CCNH: variants seen among roughly 807,000 people sequenced by gnomAD.
CCNH encodes cyclin H, also known as cyclin-H.
Under a neutral mutation model 41.9 loss-of-function variants are expected in CCNH, and 31 were observed. The observed-to-expected ratio is 0.74, with a 90% CI of 0.56 to 1.00. The LOEUF (loss-of-function observed/expected upper bound fraction) is 1.00, where lower values mean the gene tolerates loss of function less well. Among genes scored for constraint, CCNH ranks in the 50% least tolerant of loss-of-function variants. The pLI is 0.00. For missense variants in CCNH, 362 were observed against 388.4 expected, an observed-to-expected ratio of 0.93 and a Z score of 0.57; for synonymous variants, 138 against 136.1, an observed-to-expected ratio of 1.01 and a Z score of -0.10.
chr5:87,328,252 A>G (rs1463667176), intron 9 of CCNH, among the ~76,000 whole-genome samples: 2 of 152,180 alleles, frequency 1.3e-5, no homozygotes, highest in Admixed American at 6.5e-5. Context: ...TGTTACACTC[A>G]GAGTATTCTC....
Position 87,331,374 on chromosome 5 carries a change from C to T in CCNH, c.*91-12477G>A, listed in dbSNP as rs986802785. The T allele has an allele frequency of 3.4e-5, 54 of 1,611,684 alleles. No homozygotes were observed. The highest frequency in any genetic ancestry group is 3.9e-5 in the Non-Finnish European group (46 of 1,178,016). On this transcript the variant is annotated intron_variant and NMD_transcript_variant, in intron 9 of 9. Coordinates refer to the CCNH transcript ENST00000645953. ...TGGTATCACGGAAAACTTGACAGAACGATAGCAGAAGAACGCCTCAGGCAG... is the reference window on the plus strand; with the variant it reads ...TGGTATCACGGAAAACTTGACAGAATGATAGCAGAAGAACGCCTCAGGCAG...
chr5:87,390,930 G>A (rs199767239), downstream of CCNH: 117 of 1,531,324 alleles, frequency 7.6e-5, no homozygotes, highest in Admixed American at 1.7e-4. Context: ...GTCCAACATG[G>A]TAATTCACTT....
intron 9 of CCNH, among the ~76,000 whole-genome samples, chr5:87,343,886 T>A (rs1758658066): frequency 6.6e-6 from 1 of 152,104 alleles, no homozygotes; most frequent in African/African-American, 2.4e-5. Context: ...TATTCAGCCA[T>A]AAACAAGAAT....
chr5:87,354,309 C>T (rs1036849803), intron 9 of CCNH, among the ~76,000 whole-genome samples: 1 of 152,084 alleles, frequency 6.6e-6, no homozygotes, highest in Non-Finnish European at 1.5e-5. Flanking sequence ...AGAAGGACGT[C>T]TATTGCGACT....
At chr5:87,365,103 G>A (rs778325629) in intron 9 of CCNH, among the ~76,000 whole-genome samples, 18 of 152,088 alleles carry the variant, frequency 1.2e-4, no homozygotes, top group Non-Finnish European at 2.9e-5. Context: ...GAAATAGGTG[G>A]CTCTTGATTC....
At chr5:87,354,101 A>G (rs1243946670) in intron 9 of CCNH, among the ~76,000 whole-genome samples, 1 of 151,390 alleles carries the variant, frequency 6.6e-6, no homozygotes, top group African/African-American at 2.4e-5. Context: ...TTCATTTCAC[A>G]TGGCTATAGC....
rs555470550 is a variant in CCNH, at chr5:87,346,736, T to C, written c.*91-27839A>G. On this transcript the variant is annotated intron_variant and NMD_transcript_variant, in intron 9 of 9. Transcript: ENST00000645953. ...TTTACTAATGACAGGTACTTACATA[T>C]TTACTTGCTTTTCTAATGTCTATTT... 35 of 1,518,490 alleles carry C rather than the reference T, an allele frequency of 2.3e-5. No individual in the cohort carries two copies. The Admixed American group carries it at 5.0e-4, about 22-fold the overall frequency. 94.1% of individuals were successfully genotyped at this position (1,518,490 alleles called of 1,614,324 possible). A position where few individuals can be genotyped will look rare whatever the true frequency, so the allele number is the denominator to read the frequency against.
chr5:87,378,988 A>C (rs1761519572), upstream of CCNH, among the ~76,000 whole-genome samples: 1 of 152,204 alleles, frequency 6.6e-6, no homozygotes, highest in South Asian at 2.1e-4. Flanking sequence ...TTAAAGTTTC[A>C]GTATAAATTC....
At chr5:87,376,460 C>T (rs755756362) in exon 1 of CCNH, 1 of 1,613,988 alleles carries the variant, frequency 6.2e-7, no homozygotes, top group South Asian at 1.1e-5. Context: ...TTCTGCTCAG[C>T]TCCCATATAC....
At chr5:87,373,831 A>C (rs550846586), downstream of CCNH, among the ~76,000 whole-genome samples, 2 of 152,208 alleles carry the variant, frequency 1.3e-5, no homozygotes, top group Non-Finnish European at 2.9e-5. Context: ...TATATTAATA[A>C]AGAATTTTCT....
chr5:87,390,508 G>C (rs1032473703), downstream of CCNH, among the ~76,000 whole-genome samples: 3 of 151,184 alleles, frequency 2.0e-5, no homozygotes, highest in South Asian at 4.2e-4. Flanking sequence ...TTTTAAAAGA[G>C]AGATAAACTG....
At chr5:87,409,222 C>CA in intron 3 of CCNH, 68 bp downstream of exon 3, 1 of 897,216 alleles carries the variant, frequency 1.1e-6, no homozygotes, top group Admixed American at 2.3e-5. Flanking sequence ...TCTCTCCTCC[C>CA]AAAAAATACT....
At chr5:87,392,394 C>A (rs192963366), downstream of CCNH, 4 of 454,822 alleles carry the variant, frequency 8.8e-6, no homozygotes, top group African/African-American at 2.0e-5. Flanking sequence ...TACCAAAAAT[C>A]TCAACATGTC....
chr5:87,361,568 T>C (rs1176677778), intron 9 of CCNH, among the ~76,000 whole-genome samples: 6 of 152,170 alleles, frequency 3.9e-5, no homozygotes, highest in East Asian at 3.8e-4. Context: ...CTGAGTCCAA[T>C]TGACCTTAAT....
At chr5:87,382,993 G>C (rs1430947571) in intron 9 of CCNH, among the ~76,000 whole-genome samples, 1 of 152,020 alleles carries the variant, frequency 6.6e-6, no homozygotes, top group African/African-American at 2.4e-5. Flanking sequence ...CTCTAAGCCT[G>C]AGGCAAGAGA....
At chr5:87,371,005 G>A (rs1336527369) in intron 9 of CCNH, among the ~76,000 whole-genome samples, 2 of 152,062 alleles carry the variant, frequency 1.3e-5, no homozygotes, top group East Asian at 1.9e-4. Flanking sequence ...GAGAAAGGTA[G>A]TGCTCAAAAC....
exon 10 of CCNH, chr5:87,318,651 G>A (rs968499874): frequency 1.3e-5 from 2 of 152,220 alleles, no homozygotes; most frequent in African/African-American, 4.8e-5. Flanking sequence ...TTGCTCCCAT[G>A]ATCCAATCAC....
At chr5:87,376,651 G>T in exon 1 of CCNH, 2 of 1,472,228 alleles carry the variant, frequency 1.4e-6, no homozygotes, top group Non-Finnish European at 1.9e-6. Flanking sequence ...GGTAAACATA[G>T]TAATTCATAG....
chr5:87,411,055 A>T (rs921684318), intron 2 of CCNH, among the ~76,000 whole-genome samples, 169 bp downstream of exon 2: 1 of 152,224 alleles, frequency 6.6e-6, no homozygotes, highest in Non-Finnish European at 1.5e-5. Context: ...AAGATATGAT[A>T]CAGCAACTCA....
Sources: allele counts gnomAD v4.1 joint callset (sites outside exome capture counted in the v4.1 genomes callset), GRCh38; gene constraint gnomAD v4.1.1; transcripts MANE v1.5; gene names NCBI Gene and HGNC (gene_info 2026-07-23, HGNC 2026-07-21).